Variants in MARCHF1 observed in about 807,000 individuals in gnomAD.
The protein encoded by MARCHF1 is E3 ubiquitin-protein ligase MARCHF1.
A neutral mutation model predicts 54.2 loss-of-function variants in MARCHF1; 40 were observed. That is an observed-to-expected ratio of 0.74 (90% confidence interval 0.57 to 0.96). The LOEUF (loss-of-function observed/expected upper bound fraction) is 0.96, where lower values mean the gene tolerates loss of function less well. MARCHF1 is among the 40% of genes least tolerant of loss of function. MARCHF1 has a pLI of 0.00. For synonymous variants in MARCHF1, 236 were observed against 236.3 expected, an observed-to-expected ratio of 1.00 and a Z score of 0.01; for missense variants, 586 against 656.5, an observed-to-expected ratio of 0.89 and a Z score of 1.17.
intron 5 of MARCHF1, 190 bp from the exon 6 acceptor site, chr4:163,613,583 G>C (rs1406885937): frequency 6.7e-7 from 1 of 1,487,356 alleles, no homozygotes; most frequent in Non-Finnish European, 8.9e-7. Flanking sequence ...GAGGAACCTG[G>C]AACAGCTGAG....
chr4:163,683,953 G>A (rs566240181), intron 5 of MARCHF1, among the ~76,000 whole-genome samples: 1 of 152,134 alleles, frequency 6.6e-6, no homozygotes, highest in Admixed American at 6.5e-5. Flanking sequence ...CTGCTAGGCT[G>A]GGGCTGAAAC....
intron 9 of MARCHF1, among the ~76,000 whole-genome samples, chr4:163,538,250 CTG>C (rs1003021839): frequency 5.9e-4 from 90 of 152,106 alleles, no homozygotes; most frequent in Non-Finnish European, 5.9e-4. Context: ...GAGAAGGAAA[CTG>C]GGATGTCCAG....
At chr4:163,858,425 A>G (rs1749829542) in intron 3 of MARCHF1, among the ~76,000 whole-genome samples, 2 of 152,260 alleles carry the variant, frequency 1.3e-5, no homozygotes, top group South Asian at 2.1e-4. Context: ...GTTATGATTA[A>G]GCTGAATGCT....
At chr4:164,207,784 G>A (rs1010034823) in intron 1 of MARCHF1, among the ~76,000 whole-genome samples, 11 of 152,128 alleles carry the variant, frequency 7.2e-5, no homozygotes, top group South Asian at 4.1e-4. Context: ...ACATGGTCAC[G>A]GAGAGGGGGA....
At chr4:163,943,790 G>A (rs908339521) in intron 3 of MARCHF1, among the ~76,000 whole-genome samples, 40 of 149,102 alleles carry the variant, frequency 2.7e-4, no homozygotes, top group African/African-American at 9.8e-4. Flanking sequence ...TCCATCCCTG[G>A]GCTTGCTGTA....
chr4:163,547,717 T>C (rs920085359), intron 8 of MARCHF1, among the ~76,000 whole-genome samples: 2 of 152,238 alleles, frequency 1.3e-5, no homozygotes, highest in Non-Finnish European at 2.9e-5. Context: ...TAAGAGCCTA[T>C]AATTTCATTT....
intron 4 of MARCHF1, among the ~76,000 whole-genome samples, chr4:163,730,716 G>A (rs1156981437): frequency 6.6e-6 from 1 of 152,020 alleles, no homozygotes; most frequent in Non-Finnish European, 1.5e-5. Flanking sequence ...CTGTGTTCAT[G>A]ATCAGCCTGA....
intron 4 of MARCHF1, among the ~76,000 whole-genome samples, chr4:163,837,619 A>G (rs1275622516): frequency 6.6e-6 from 1 of 151,952 alleles, no homozygotes; most frequent in East Asian, 1.9e-4. Flanking sequence ...CAATACACAA[A>G]AGAATATATA....
intron 8 of MARCHF1, among the ~76,000 whole-genome samples, chr4:163,575,223 G>A (rs182151279): frequency 3.9e-5 from 6 of 152,096 alleles, no homozygotes; most frequent in Non-Finnish European, 1.5e-5. Context: ...TTTAAGACTA[G>A]TTTGTTGAGG....
At chr4:163,538,401 G>T (rs1461627802) in intron 9 of MARCHF1, among the ~76,000 whole-genome samples, 1 of 151,964 alleles carries the variant, frequency 6.6e-6, no homozygotes, top group African/African-American at 2.4e-5. Flanking sequence ...GTTGGGTCAG[G>T]AGACATGGAC....
At chr4:164,186,587 G>C (rs1309965356) in intron 1 of MARCHF1, among the ~76,000 whole-genome samples, 1 of 152,104 alleles carries the variant, frequency 6.6e-6, no homozygotes, top group Non-Finnish European at 1.5e-5. Flanking sequence ...GAGGTGAAGA[G>C]GAAAAGCTCT....
chr4:163,828,154 T>A (rs1748909349), intron 4 of MARCHF1, among the ~76,000 whole-genome samples: 1 of 152,144 alleles, frequency 6.6e-6, no homozygotes, highest in South Asian at 2.1e-4. Context: ...CTTTGTTTAA[T>A]AGTTGCTCTT....
intron 1 of MARCHF1, among the ~76,000 whole-genome samples, chr4:164,379,821 C>G (rs1731315796): frequency 6.6e-6 from 1 of 151,626 alleles, no homozygotes; most frequent in Non-Finnish European, 1.5e-5. Flanking sequence ...GCTAAAAATA[C>G]AAAAATTAGC....
chr4:164,075,488 AAGGAGCAGAGCCAG>A (rs1754957736), intron 2 of MARCHF1, among the ~76,000 whole-genome samples: 3 of 152,172 alleles, frequency 2.0e-5, no homozygotes, highest in African/African-American at 7.2e-5. Context: ...TGACAGCCAT[AAGGAGCAGAGCCAG>A]ATCAGCATCA....
intron 1 of MARCHF1, among the ~76,000 whole-genome samples, chr4:164,226,091 G>A (rs569698240): frequency 4.0e-5 from 6 of 151,626 alleles, no homozygotes; most frequent in East Asian, 1.9e-4. Flanking sequence ...TTTTTTTCTC[G>A]TATTCTCCTT....
chr4:163,674,451 C>G (rs1478727678), intron 5 of MARCHF1, among the ~76,000 whole-genome samples: 2 of 152,154 alleles, frequency 1.3e-5, no homozygotes, highest in African/African-American at 4.8e-5. Flanking sequence ...ATCGCCTGGG[C>G]CATTAGATTA....
chr4:163,822,276 G>A (rs533566833), intron 4 of MARCHF1, among the ~76,000 whole-genome samples: 1 of 151,780 alleles, frequency 6.6e-6, no homozygotes, highest in Non-Finnish European at 1.5e-5. Flanking sequence ...AAAGCTACCT[G>A]CTCTGTAATT....
At chr4:163,887,300 G>GAA (rs1288070820) in intron 3 of MARCHF1, among the ~76,000 whole-genome samples, 1 of 152,006 alleles carries the variant, frequency 6.6e-6, no homozygotes, top group African/African-American at 2.4e-5. Flanking sequence ...ATTTTCTATT[G>GAA]AAATCTAGAA....
intron 2 of MARCHF1, among the ~76,000 whole-genome samples, chr4:164,002,302 A>T (rs1172669401): frequency 6.6e-6 from 1 of 151,760 alleles, no homozygotes; most frequent in Non-Finnish European, 1.5e-5. Context: ...GTTAGCAGAC[A>T]AGCAGTTATA....
Sources: allele counts gnomAD v4.1 joint callset (sites outside exome capture counted in the v4.1 genomes callset), GRCh38; gene constraint gnomAD v4.1.1; transcripts MANE v1.5; gene names NCBI Gene and HGNC (gene_info 2026-07-23, HGNC 2026-07-21).